Variants in HMGA2 observed in about 807,000 individuals in gnomAD.
HMGA2 encodes high mobility group AT-hook 2.
Under a neutral mutation model 19.1 loss-of-function variants are expected in HMGA2, and 8 were observed. That is an observed-to-expected ratio of 0.42 (90% confidence interval 0.25 to 0.76). The LOEUF (loss-of-function observed/expected upper bound fraction) is 0.76, where lower values mean the gene tolerates loss of function less well. Ranked by LOEUF, HMGA2 falls within the 30% of genes least tolerant of loss-of-function variation. The pLI is 0.28. For synonymous variants in HMGA2, 60 were observed against 48.8 expected (o/e 1.23, Z -0.96); for missense variants, 109 against 136.3 (o/e 0.80, Z 1.00).
intron 3 of HMGA2, among the ~76,000 whole-genome samples, chr12:65,903,279 G>A (rs1033092139): frequency 1.2e-4 from 18 of 152,198 alleles, no homozygotes; most frequent in African/African-American, 4.3e-4. Context: ...CTTCACTAAA[G>A]CATTTCCTAA....
intron 3 of HMGA2, among the ~76,000 whole-genome samples, chr12:65,847,161 CTCAT>C (rs1474396727): frequency 6.6e-6 from 1 of 152,042 alleles, no homozygotes; most frequent in African/African-American, 2.4e-5. Flanking sequence ...GTTACATTCT[CTCAT>C]TATCTTCACA....
intron 3 of HMGA2, among the ~76,000 whole-genome samples, chr12:65,945,748 T>C (rs949270792): frequency 1.3e-5 from 2 of 152,210 alleles, no homozygotes; most frequent in African/African-American, 4.8e-5. Flanking sequence ...CTGTGTCTAC[T>C]TATTCAATAT....
chr12:65,865,835 G>A lies in HMGA2; in HGVS notation c.249+27266G>A, dbSNP rs187366108. Among the ~76,000 whole-genome samples, 146 of 151,764 alleles carry A rather than the reference G, an allele frequency of 9.6e-4. 2 individuals carry two copies. Among genetic ancestry groups the A allele is most frequent in the Admixed American group, 1.8e-3 (27 of 15,252 alleles). On this transcript the variant is annotated intron_variant, in intron 3 of 4. Transcript: ENST00000403681. Reference sequence around the variant, plus strand: ...TTTTTGGTATTTTTAGTAGAAACGGGGTTTCATCATGTTAGCCAGGATGGT... The same window carrying A: ...TTTTTGGTATTTTTAGTAGAAACGGAGTTTCATCATGTTAGCCAGGATGGT...
intron 1 of HMGA2, among the ~76,000 whole-genome samples, chr12:65,827,712 G>A (rs1870277338): frequency 6.6e-6 from 1 of 152,180 alleles, no homozygotes; most frequent in Non-Finnish European, 1.5e-5. Context: ...AAAAGTATAT[G>A]ACTTTCTTTC....
chr12:65,924,131 G>A (rs948056893), intron 3 of HMGA2, among the ~76,000 whole-genome samples: 6 of 152,160 alleles, frequency 3.9e-5, no homozygotes, highest in Admixed American at 6.5e-5. Context: ...TCTTAGGGTA[G>A]GGAAGGTCCA....
chr12:65,926,315 G>A (rs771080191), intron 3 of HMGA2, among the ~76,000 whole-genome samples: 28 of 152,204 alleles, frequency 1.8e-4, no homozygotes, highest in Non-Finnish European at 3.5e-4. Context: ...CCTACTCAGG[G>A]GGAGGATTTA....
intron 3 of HMGA2, among the ~76,000 whole-genome samples, chr12:65,932,645 T>C (rs1324871423): frequency 1.3e-5 from 2 of 152,232 alleles, no homozygotes; most frequent in Non-Finnish European, 2.9e-5. Context: ...AGCTATTTGG[T>C]GATAAATAGT....
At chr12:65,849,039 T>A (rs983073697) in intron 3 of HMGA2, among the ~76,000 whole-genome samples, 3 of 152,132 alleles carry the variant, frequency 2.0e-5, no homozygotes, top group African/African-American at 7.2e-5. Flanking sequence ...ACGATTATGG[T>A]TGGTAATGTT....
chr12:65,962,284 A>G (rs1423175208), intron 4 of HMGA2, among the ~76,000 whole-genome samples: 2 of 152,258 alleles, frequency 1.3e-5, no homozygotes, highest in African/African-American at 2.4e-5. Flanking sequence ...CATTTGTTAA[A>G]TAAGCAAAAG....
intron 3 of HMGA2, among the ~76,000 whole-genome samples, chr12:65,875,627 T>TTTTTTTTTTTTTTTTTTTTGTTTTG (rs1872971307): frequency 9.0e-6 from 1 of 110,498 alleles, no homozygotes; most frequent in Non-Finnish European, 1.7e-5. Flanking sequence ...TTTTTTTTTT[T>TTTTTTTTTTTTTTTTTTTTGTTTTG]TTTAGTAAAG....
intron 3 of HMGA2, among the ~76,000 whole-genome samples, chr12:65,903,500 G>A (rs1265322047): frequency 6.6e-6 from 1 of 152,158 alleles, no homozygotes; most frequent in Admixed American, 6.5e-5. Context: ...CAAAAAGACT[G>A]TAGTCACAAG....
In HMGA2 at chr12:65,887,560, A is replaced by C. The variant is rs558373898; in HGVS notation, c.249+48991A>C. 3.3e-5 allele frequency among the ~76,000 whole-genome samples: 5 copies of C among 152,194 alleles called. No homozygotes were observed. In the South Asian group the frequency reaches 1.0e-3, roughly 32 times the overall value. On this transcript the variant is annotated intron_variant, in intron 3 of 4. Transcript: ENST00000403681. Reference sequence around the variant, plus strand: ...ACACAGTGAAACTCCATCTCTACTAAAAATATACAAAAATTGGCTGGGCAT... The same window carrying C: ...ACACAGTGAAACTCCATCTCTACTACAAATATACAAAAATTGGCTGGGCAT...
At chr12:65,923,268 A>C (rs1875385814) in intron 3 of HMGA2, among the ~76,000 whole-genome samples, 1 of 152,244 alleles carries the variant, frequency 6.6e-6, no homozygotes, top group Non-Finnish European at 1.5e-5. Context: ...AGACCCCTCA[A>C]GAAATAAAAG....
At position 65,824,973 on chromosome 12, in the gene HMGA2, T is replaced by C; in HGVS notation, c.-298T>C. ...TCGCTTCCCTCCTCCTCTTGCTACC[T>C]CCACCTCCACCGCCACCTCCACCTC... On this transcript the variant is annotated 5_prime_UTR_variant, in exon 1 of 5. Transcript: ENST00000403681. The C allele has an allele frequency of 2.5e-6, 1 of 399,142 alleles. No homozygotes were observed. The highest frequency in any genetic ancestry group is 4.5e-6 in the Non-Finnish European group (1 of 222,472). 24.7% of individuals were successfully genotyped at this position (399,142 alleles called of 1,614,324 possible).
chr12:65,904,840 A>G (rs1011349798), intron 3 of HMGA2, among the ~76,000 whole-genome samples: 5 of 152,070 alleles, frequency 3.3e-5, no homozygotes, highest in Admixed American at 6.5e-5. Context: ...TCAGGAGTTC[A>G]AAAGCAGCCT....
chr12:65,869,034 G>A (rs1375545669), intron 3 of HMGA2, among the ~76,000 whole-genome samples: 4 of 152,136 alleles, frequency 2.6e-5, no homozygotes, highest in Non-Finnish European at 4.4e-5. Flanking sequence ...TTGGTAAGCC[G>A]CTACACTTTC....
At chr12:65,862,032 A>T (rs1046734697) in intron 3 of HMGA2, among the ~76,000 whole-genome samples, 1 of 151,674 alleles carries the variant, frequency 6.6e-6, no homozygotes. Context: ...TTTAGTAGAG[A>T]CGGGGTTTCA....
intron 3 of HMGA2, among the ~76,000 whole-genome samples, chr12:65,911,891 A>G (rs1197562190): frequency 6.6e-6 from 1 of 152,202 alleles, no homozygotes; most frequent in Admixed American, 6.5e-5. Flanking sequence ...TAACAATTCC[A>G]TTCTAAAAAT....
intron 3 of HMGA2, among the ~76,000 whole-genome samples, chr12:65,936,625 A>G (rs1875905157): frequency 1.3e-5 from 2 of 152,212 alleles, no homozygotes; most frequent in South Asian, 4.1e-4. Flanking sequence ...AATAAGGATT[A>G]CATGACCACT....
Sources: gnomAD v4.1 joint callset for allele counts (sites outside exome capture counted in the v4.1 genomes callset) on GRCh38, gnomAD v4.1.1 for gene constraint, MANE v1.5 for transcripts, NCBI Gene and HGNC (gene_info 2026-07-23, HGNC 2026-07-21) for gene names.